The following ZNF628 variants were observed in gnomAD, a reference collection of about 807,000 sequenced individuals.
The protein encoded by ZNF628 is zinc finger protein 628, also known as zinc finger protein Zec.
Under a neutral mutation model 2.5 loss-of-function variants are expected in ZNF628, and 3 were observed. The observed-to-expected ratio is 1.19, with a 90% CI of 0.54 to 3.07. The LOEUF is 3.07. ZNF628 is among the 30% of genes most tolerant of loss of function. ZNF628 has a pLI of 0.03. For synonymous variants in ZNF628, 861 were observed against 717.1 expected (o/e 1.20, Z -3.21); for missense variants, 1,610 against 1,517.1 (o/e 1.06, Z -1.02).
chr19:55,481,789 C>A lies in ZNF628; in HGVS notation c.596C>A (p.Thr199Lys), dbSNP rs760216769. 3.9e-5 allele frequency: 62 copies of A among 1,605,478 alleles called. No individual in the cohort carries two copies. Among genetic ancestry groups the A allele is most frequent in the Non-Finnish European group, 5.2e-5 (61 of 1,176,602 alleles). ...TNLRQHQRVH[T>K]GERPFRCPLC... ...CTGCGGCAGCACCAGCGCGTGCACA[C>A]GGGCGAGCGGCCCTTCCGCTGCCCG... Residue 199 changes from threonine to lysine, a missense_variant, in exon 3 of 3, where the codon ACG becomes AAG. Thr to Lys is a moderately conservative substitution (Grantham distance 78). Coordinates refer to ENST00000598519, the MANE Select transcript of ZNF628 (RefSeq NM_033113.3).
chr19:55,478,498 T>G (rs1986618127), intron 1 of ZNF628, among the ~76,000 whole-genome samples: 1 of 152,074 alleles, frequency 6.6e-6, no homozygotes, highest in African/African-American at 2.4e-5. Context: ...AGGATAGCAG[T>G]AGGACAAGTC....
At position 55,484,133 on chromosome 19, in the gene ZNF628, C is replaced by A; in HGVS notation, c.2940C>A (p.Ala980=). The stretch of plus-strand genomic sequence containing the variant: ...AGAAACTCCTCATCATCCGCAGCGC[C>A]CCAGCCACTGAGCTGCTGGACAGCA... The part of the protein sequence containing the change: ...PGQKLLIIRS[A]PATELLDSSN... Residue 980 remains alanine (A), a synonymous_variant, in exon 3 of 3, where the codon GCC becomes GCA. Coordinates refer to ENST00000598519, the MANE Select transcript of ZNF628 (RefSeq NM_033113.3). The A allele has an allele frequency of 6.3e-7, 1 of 1,589,022 alleles. No homozygotes were observed. The highest frequency in any genetic ancestry group is 1.7e-5 in the Admixed American group (1 of 57,616).
At position 55,483,169 on chromosome 19, in the gene ZNF628, GC is replaced by G; in HGVS notation, c.1981del (p.Gln661SerfsTer63). 2 of 1,548,188 alleles carry G rather than the reference GC, an allele frequency of 1.3e-6. No homozygotes were observed. The highest frequency in any genetic ancestry group is 1.7e-6 in the Non-Finnish European group (2 of 1,154,446). On this transcript the variant is annotated frameshift_variant, in exon 3 of 3. Transcript: ENST00000598519. LOFTEE classifies it low-confidence loss of function (END_TRUNC). ...TPPSTTAPAAGPQPPAPLAAA... is the reference protein window; with the variant it reads ...TPPSTTAPAAXPQPPAPLAAA... ...CCCAGCACCACAGCCCCTGCCGCCG[GC>G]CCCCAGCCCCCTGCTCCACTGGCTG...
rs1248443575 is a variant in ZNF628, at chr19:55,482,563, C to G, written c.1370C>G (p.Ala457Gly). ...PASAERPYKC[A>G]ECGKSFKGSS... The stretch of plus-strand genomic sequence containing the variant: ...TCTGCGGAGCGGCCCTACAAATGTG[C>G]CGAGTGCGGCAAGTCCTTCAAGGGC... The change falls in exon 3 of 3, where the codon GCC becomes GGC. Residue 457 changes from alanine to glycine, a missense_variant. This residue lies in a region of ZNF628 where 651 missense variants were observed against 575.6 expected (regional missense o/e 1.13). Coordinates refer to ENST00000598519, the MANE Select transcript of ZNF628 (RefSeq NM_033113.3). 1 of 1,515,876 alleles carries G rather than the reference C, an allele frequency of 6.6e-7. No individual in the cohort carries two copies. The highest frequency in any genetic ancestry group is 1.8e-5 in the Admixed American group (1 of 56,464). The allele number at this position is 1,515,876 out of a possible 1,614,324, so 93.9% of individuals were successfully genotyped here. A position where few individuals can be genotyped will look rare whatever the true frequency, so the allele number is the denominator to read the frequency against.
Position 55,482,581 on chromosome 19 carries a change from T to C in ZNF628, c.1388T>C (p.Phe463Ser), listed in dbSNP as rs1356327867. The change falls in exon 3 of 3, where the codon TTC (phenylalanine) becomes TCC (serine). Residue 463 changes from phenylalanine to serine, a missense_variant. Physicochemically the swap from Phe to Ser is radical, Grantham distance 155. Around this residue, in one of 5 missense-constraint regions of ZNF628, gnomAD observed 651 missense variants for 575.6 expected, o/e 1.13. Transcript: ENST00000598519. ...AAATGTGCCGAGTGCGGCAAGTCCT[T>C]CAAGGGCTCCTCCGGGCTGCGCTAC... ...PYKCAECGKS[F>S]KGSSGLRYHL... The C allele has an allele frequency of 6.2e-7, 1 of 1,600,154 alleles. No homozygotes were observed. The highest frequency in any genetic ancestry group is 8.5e-7 in the Non-Finnish European group (1 of 1,176,222).
At position 55,483,663 on chromosome 19, in the gene ZNF628, C is replaced by T. The variant is rs1599902411; in HGVS notation, c.2470C>T (p.Arg824Ter). Residue 824 changes from arginine (R) to a stop codon, truncating the protein, a stop_gained, in exon 3 of 3, where the codon CGA becomes TGA. Transcript: ENST00000598519. LOFTEE classifies it low-confidence loss of function (END_TRUNC). ...EMSGVQLQPLRPAPEVTTVQL... is the reference protein window; with the variant it reads ...EMSGVQLQPL The stretch of plus-strand genomic sequence containing the variant: ...GAGTGGGGTGCAGCTCCAGCCCCTC[C>T]GACCAGCCCCAGAAGTAACCACGGT... 1.2e-6 allele frequency: 2 copies of T among 1,613,704 alleles called. No individual in the cohort carries two copies. Among genetic ancestry groups the T allele is most frequent in the Non-Finnish European group, 1.7e-6 (2 of 1,179,844 alleles).
chr19:55,484,338 A>G lies in ZNF628; in HGVS notation c.3145A>G (p.Thr1049Ala), dbSNP rs890205410. ...CCTGCCCTCCATCCAGATTGTCCAGACTCTACCCGCAGTCCAGCTGGTGCA... is the reference window on the plus strand; with the variant it reads ...CCTGCCCTCCATCCAGATTGTCCAGGCTCTACCCGCAGTCCAGCTGGTGCA... The part of the protein sequence containing the change: ...QGLPSIQIVQ[T>A]LPAVQLVHTF Residue 1049 changes from threonine to alanine, a missense_variant, in exon 3 of 3, where the codon ACT becomes GCT. Physicochemically the swap from Thr to Ala is moderately conservative, Grantham distance 58 (BLOSUM62 0). Around this residue, in one of 5 missense-constraint regions of ZNF628, gnomAD observed 712 missense variants for 603.6 expected, o/e 1.18. Coordinates refer to ENST00000598519, the MANE Select transcript of ZNF628 (RefSeq NM_033113.3). The G allele has an allele frequency of 2.7e-6, 4 of 1,467,332 alleles. No homozygotes were observed. The highest frequency in any genetic ancestry group is 2.9e-5 in the African/African-American group (2 of 69,934). The allele number at this position is 1,467,332 out of a possible 1,614,324, so 90.9% of individuals were successfully genotyped here. A position where few individuals can be genotyped will look rare whatever the true frequency, so the allele number is the denominator to read the frequency against.
intron 1 of ZNF628, among the ~76,000 whole-genome samples, chr19:55,477,353 G>GTTT (rs60568698): frequency 1.6e-4 from 23 of 146,906 alleles, no homozygotes; most frequent in Non-Finnish European, 2.5e-4. Context: ...CAGTAGGTTT[G>GTTT]TTTTTTTTTT....
At position 55,482,079 on chromosome 19, in the gene ZNF628, C is replaced by T. The variant is rs998280194; in HGVS notation, c.886C>T (p.Arg296Cys). The change falls in exon 3 of 3, where the codon CGC becomes TGC. Residue 296 changes from arginine to cysteine, a missense_variant. Arg to Cys is a radical substitution (Grantham distance 180, BLOSUM62 -3). Transcript: ENST00000598519. ...GGAGACCACGGTGGAGCTGGTGTAC[C>T]GCTGCGATGGCTGCGAGCAGGGATT... ...AAETTVELVY[R>C]CDGCEQGFSS... 2.0e-6 allele frequency: 3 copies of T among 1,508,134 alleles called. No individual in the cohort carries two copies. Among genetic ancestry groups the T allele is most frequent in the African/African-American group, 1.5e-5 (1 of 68,958 alleles). 93.4% of individuals were successfully genotyped at this position (1,508,134 alleles called of 1,614,324 possible).
rs1986717150 is a variant in ZNF628, at chr19:55,481,878, G to GCCC, written c.688_690dup (p.Pro230dup). The GCCC allele has an allele frequency of 6.5e-7, 1 of 1,528,810 alleles. No individual in the cohort carries two copies. The highest frequency in any genetic ancestry group is 1.2e-5 in the South Asian group (1 of 82,488). The allele number at this position is 1,528,810 out of a possible 1,614,324, so 94.7% of individuals were successfully genotyped here. The stretch of plus-strand genomic sequence containing the variant: ...GCTGCACCAGCGCACGCACGGCGCC[G>GCCC]CCCCCGCCCCGGGTACCGCCTCCGC... On this transcript the variant is annotated inframe_insertion, in exon 3 of 3. Transcript: ENST00000598519.
Position 55,483,367 on chromosome 19 carries a change from C to G in ZNF628, c.2174C>G (p.Pro725Arg). 6.5e-7 allele frequency: 1 copy of G among 1,542,406 alleles called. No homozygotes were observed. Among genetic ancestry groups the G allele is most frequent in the Non-Finnish European group, 8.7e-7 (1 of 1,145,966 alleles). ...VQTAQGLQLIPSSVQPPTPPP... is the reference protein window; with the variant it reads ...VQTAQGLQLIRSSVQPPTPPP... ...ACTGCCCAGGGCCTCCAGCTGATCC[C>G]CAGCAGCGTGCAGCCCCCTACACCT... Residue 725 changes from proline (P) to arginine (R), a missense_variant, in exon 3 of 3, where the codon CCC becomes CGC. Coordinates refer to ENST00000598519, the MANE Select transcript of ZNF628 (RefSeq NM_033113.3).
At position 55,484,236 on chromosome 19, in the gene ZNF628, C is replaced by A. The variant is rs1304581093; in HGVS notation, c.3043C>A (p.Leu1015Ile). 6.5e-7 allele frequency: 1 copy of A among 1,547,816 alleles called. No individual in the cohort carries two copies. Among genetic ancestry groups the A allele is most frequent in the East Asian group, 2.4e-5 (1 of 40,840 alleles). Residue 1015 changes from leucine (L) to isoleucine (I), a missense_variant, in exon 3 of 3, where the codon CTC becomes ATC. Leu to Ile is a conservative substitution (Grantham distance 5, BLOSUM62 2). Around this residue, in one of 5 missense-constraint regions of ZNF628, gnomAD observed 712 missense variants for 603.6 expected, o/e 1.18. Transcript: ENST00000598519. ...PSGPASGPAG[L>I]PGAPASQMVQ... ...AGGCCCAGCCTCGGGCCCCGCGGGG[C>A]TCCCCGGGGCTCCAGCCTCCCAGAT...
intron 1 of ZNF628, among the ~76,000 whole-genome samples, chr19:55,477,567 G>T (rs1986587557): frequency 6.6e-6 from 1 of 152,068 alleles, no homozygotes; most frequent in Non-Finnish European, 1.5e-5. Flanking sequence ...TTCAAGACCA[G>T]CCCAGGCAAT....
At chr19:55,477,524 G>A (rs995349306) in intron 1 of ZNF628, among the ~76,000 whole-genome samples, 3 of 152,182 alleles carry the variant, frequency 2.0e-5, no homozygotes, top group Non-Finnish European at 2.9e-5. Flanking sequence ...CACTTTGGGA[G>A]GCCGAGGCGG....
In ZNF628 at chr19:55,484,364, C is replaced by T; in HGVS notation, c.3171C>T (p.His1057=). The change falls in exon 3 of 3, where the codon CAC becomes CAT. Residue 1057 remains histidine, a synonymous_variant. Coordinates refer to ENST00000598519, the MANE Select transcript of ZNF628 (RefSeq NM_033113.3). ...CTCTACCCGCAGTCCAGCTGGTGCA[C>T]ACGTTTTGAGGAGAGGCAGTGATTC... ...VQTLPAVQLV[H]TF The T allele has an allele frequency of 1.4e-6, 2 of 1,451,446 alleles. No individual in the cohort carries two copies. Among genetic ancestry groups the T allele is most frequent in the Admixed American group, 2.8e-5 (1 of 35,396 alleles). The allele number at this position is 1,451,446 out of a possible 1,614,324, so 89.9% of individuals were successfully genotyped here.
rs1255513870 is a variant in ZNF628 at position 55,483,218 on chromosome 19, C to G, written c.2025C>G (p.Thr675=). ...PLAAARAPPA[T]QDVHVLPHLQ... is the part of the protein sequence containing the mutation. Reference sequence around the variant, plus strand: ...CTGCTGCGCGGGCCCCGCCAGCCACCCAAGATGTCCACGTCCTGCCCCACC... The same window carrying G: ...CTGCTGCGCGGGCCCCGCCAGCCACGCAAGATGTCCACGTCCTGCCCCACC... The change falls in exon 3 of 3, where the codon ACC becomes ACG. Residue 675 remains threonine, a synonymous_variant. Coordinates refer to ENST00000598519, the MANE Select transcript of ZNF628 (RefSeq NM_033113.3). 8.4e-6 allele frequency: 13 copies of G among 1,541,438 alleles called. No homozygotes were observed. Among genetic ancestry groups the G allele is most frequent in the Non-Finnish European group, 1.1e-5 (13 of 1,150,000 alleles).
rs577682654 is a variant in ZNF628 at position 55,482,414 on chromosome 19, C to T, written c.1221C>T (p.Cys407=). ...CCAGCCTCCTGGCGCATCAGCAGTGCCACGTGGAAGAGGCCGCGGCCGGGC... is the reference window on the plus strand; with the variant it reads ...CCAGCCTCCTGGCGCATCAGCAGTGTCACGTGGAAGAGGCCGCGGCCGGGC... ...QLASLLAHQQ[C]HVEEAAAGRP... Residue 407 remains cysteine (C), a synonymous_variant, in exon 3 of 3, where the codon TGC becomes TGT. Transcript: ENST00000598519. 3.8e-5 allele frequency: 53 copies of T among 1,382,182 alleles called. No individual in the cohort carries two copies. The African/African-American group carries it at 7.4e-4, about 19-fold the overall frequency. The allele number at this position is 1,382,182 out of a possible 1,614,324, so 85.6% of individuals were successfully genotyped here. A position where few individuals can be genotyped will look rare whatever the true frequency, so the allele number is the denominator to read the frequency against.
rs757815103 is a variant in ZNF628 at position 55,484,031 on chromosome 19, G to C, written c.2838G>C (p.Gln946His). Residue 946 changes from glutamine (Q) to histidine (H), a missense_variant, in exon 3 of 3, where the codon CAG becomes CAC. Transcript: ENST00000598519. ...VLVLSGADGEQTRLCVQEVET... is the reference protein window; with the variant it reads ...VLVLSGADGEHTRLCVQEVET... ...TGCTGAGCGGGGCCGATGGCGAACA[G>C]ACTCGACTCTGCGTACAGGAGGTAG... 7.5e-6 allele frequency: 12 copies of C among 1,596,748 alleles called. 1 individual carries two copies. The Admixed American group carries it at 1.4e-4, about 18-fold the overall frequency.
intron 1 of ZNF628, among the ~76,000 whole-genome samples, chr19:55,477,450 G>A (rs892562532): frequency 1.3e-5 from 2 of 151,810 alleles, no homozygotes; most frequent in African/African-American, 2.4e-5. Flanking sequence ...ATATTAAAGG[G>A]TACACTTATC....
Sources: gnomAD v4.1 joint callset for allele counts (sites outside exome capture counted in the v4.1 genomes callset) on GRCh38, gnomAD v4.1.1 for gene constraint, gnomAD v4.1.1 regional missense constraint, MANE v1.5 for transcripts, NCBI Gene and HGNC (gene_info 2026-07-23, HGNC 2026-07-21) for gene names.